IQGAP2: variants seen among roughly 807,000 people sequenced by gnomAD.
IQGAP2 encodes ras GTPase-activating-like protein IQGAP2.
IQGAP2 carries 173 observed loss-of-function variants against 201.3 expected under a neutral mutation model. The ratio of observed to expected loss-of-function variants is 0.86; its 90% confidence interval spans 0.76 to 0.98. The LOEUF is 0.98. Ranked by LOEUF, IQGAP2 falls within the 50% of genes least tolerant of loss-of-function variation. The probability of loss-of-function intolerance (pLI) is 0.00; values close to 1 mark genes in which losing one functional copy is unlikely to be tolerated. For missense variants in IQGAP2, 1,687 were observed against 1,864.8 expected, an observed-to-expected ratio of 0.90 and a Z score of 1.76; for synonymous variants, 675 against 673.9, an observed-to-expected ratio of 1.00 and a Z score of -0.03.
intron 13 of IQGAP2, among the ~76,000 whole-genome samples, chr5:76,622,835 A>C (rs550746973): frequency 6.6e-6 from 1 of 152,266 alleles, no homozygotes; most frequent in East Asian, 1.9e-4. Context: ...TCCCTAGAAA[A>C]AGTGCCATCT....
chr5:76,592,356 C>A (rs1746719079), intron 8 of IQGAP2, among the ~76,000 whole-genome samples: 1 of 152,214 alleles, frequency 6.6e-6, no homozygotes, highest in African/African-American at 2.4e-5. Context: ...CTATTCTTGA[C>A]ATTATTCTGT....
At chr5:76,613,819 C>T (rs181519841) in intron 13 of IQGAP2, among the ~76,000 whole-genome samples, 2 of 152,230 alleles carry the variant, frequency 1.3e-5, no homozygotes, top group Non-Finnish European at 2.9e-5. Flanking sequence ...CTCAGCCTCC[C>T]GAGTAGCAGG....
intron 27 of IQGAP2, among the ~76,000 whole-genome samples, chr5:76,675,323 G>T (rs747461181): frequency 3.9e-5 from 6 of 152,106 alleles, no homozygotes; most frequent in African/African-American, 9.7e-5. Context: ...GTGTATGGGG[G>T]TCCTGGAACC....
At chr5:76,479,575 C>T (rs568198106) in intron 2 of IQGAP2, among the ~76,000 whole-genome samples, 35 of 152,168 alleles carry the variant, frequency 2.3e-4, no homozygotes, top group African/African-American at 8.0e-4. Flanking sequence ...TACATAGGAC[C>T]GGGTGCTCCT....
intron 11 of IQGAP2, among the ~76,000 whole-genome samples, chr5:76,602,651 C>G (rs758354242): frequency 2.0e-5 from 3 of 152,074 alleles, no homozygotes; most frequent in African/African-American, 4.8e-5. Context: ...TTTAAGGGCC[C>G]ACTTGGGTTC....
chr5:76,647,023 AT>A (rs1018652564), intron 17 of IQGAP2, among the ~76,000 whole-genome samples: 9 of 151,480 alleles, frequency 5.9e-5, no homozygotes, highest in South Asian at 2.1e-4. Flanking sequence ...GACACTTCTG[AT>A]TTTTTTTTAA....
In IQGAP2 at chr5:76,583,023, C is replaced by T. The variant is rs550969419; in HGVS notation, c.459-5883C>T. On this transcript the variant is annotated intron_variant, in intron 5 of 35. Transcript: ENST00000274364. ...GGCTTGCTACCTCACAAAAAGTGCT[C>T]TCTTAGACATGAGAAGCAAAGGTGA... 4.6e-5 allele frequency among the ~76,000 whole-genome samples: 7 copies of T among 152,270 alleles called. No homozygotes were observed. The East Asian group carries it at 1.3e-3, about 29-fold the overall frequency.
chr5:76,588,820 G>GA (rs2150305183), intron 5 of IQGAP2, 86 bp from the exon 6 acceptor site: 8 of 752,728 alleles, frequency 1.1e-5, no homozygotes, highest in South Asian at 8.3e-5. Flanking sequence ...CTTTTCAACT[G>GA]AAAAAACTAT....
chr5:76,558,527 C>T (rs1172478653), intron 2 of IQGAP2, among the ~76,000 whole-genome samples: 1 of 151,890 alleles, frequency 6.6e-6, no homozygotes, highest in African/African-American at 2.4e-5. Flanking sequence ...TTTTTTAAGG[C>T]GGCATTACTA....
At chr5:76,478,225 C>A (rs562699429) in intron 2 of IQGAP2, among the ~76,000 whole-genome samples, 2 of 152,062 alleles carry the variant, frequency 1.3e-5, no homozygotes, top group South Asian at 2.1e-4. Flanking sequence ...CATGGCAAAA[C>A]CCCTATCTCT....
Position 76,658,492 on chromosome 5 carries a change from G to A in IQGAP2, c.2354G>A (p.Arg785His), listed in dbSNP as rs759325601. ...GSENPPLTVIRKFVYLLDQSD... is the reference protein window; with the variant it reads ...GSENPPLTVIHKFVYLLDQSD... ...GAAAACCCACCATTAACAGTAATTCGCAAATTTGTATACCTGCTGGACCAA... is the reference window on the plus strand; with the variant it reads ...GAAAACCCACCATTAACAGTAATTCACAAATTTGTATACCTGCTGGACCAA... Residue 785 changes from arginine (R) to histidine (H), a missense_variant, in exon 21 of 36, where the codon CGC (arginine) becomes CAC (histidine). Coordinates refer to ENST00000274364, the MANE Select transcript of IQGAP2 (RefSeq NM_006633.5). 117 of 1,613,534 alleles carry A rather than the reference G, an allele frequency of 7.3e-5. No individual in the cohort carries two copies. The highest frequency in any genetic ancestry group is 4.3e-4 in the South Asian group (39 of 90,962).
chr5:76,456,206 C>T (rs1754074654), intron 1 of IQGAP2, among the ~76,000 whole-genome samples: 1 of 152,138 alleles, frequency 6.6e-6, no homozygotes, highest in Non-Finnish European at 1.5e-5. Flanking sequence ...TGCTCAGTGT[C>T]TCATAATTTT....
At chr5:76,676,864 T>G (rs1186975337) in intron 27 of IQGAP2, among the ~76,000 whole-genome samples, 1 of 152,248 alleles carries the variant, frequency 6.6e-6, no homozygotes, top group Non-Finnish European at 1.5e-5. Flanking sequence ...TCACACAGAC[T>G]TGATTCTTAG....
chr5:76,646,633 C>G (rs186954520), intron 17 of IQGAP2, among the ~76,000 whole-genome samples: 79 of 152,278 alleles, frequency 5.2e-4, no homozygotes, highest in South Asian at 1.5e-3. Context: ...CCCATGTGCT[C>G]TTTTCAATAG....
chr5:76,601,956 G>A (rs1432275895), intron 11 of IQGAP2, among the ~76,000 whole-genome samples: 3 of 152,222 alleles, frequency 2.0e-5, no homozygotes. Flanking sequence ...TGTTTCCAAG[G>A]TAATTTATAT....
intron 1 of IQGAP2, among the ~76,000 whole-genome samples, chr5:76,423,749 G>A (rs1419320877): frequency 2.6e-5 from 4 of 152,198 alleles, no homozygotes; most frequent in Non-Finnish European, 5.9e-5. Flanking sequence ...AGCATCAAAA[G>A]GCACATGAAG....
chr5:76,622,338 C>T (rs1749780451), intron 13 of IQGAP2, among the ~76,000 whole-genome samples: 1 of 152,190 alleles, frequency 6.6e-6, no homozygotes, highest in African/African-American at 2.4e-5. Context: ...CTAATCACCA[C>T]AGATTCTCTT....
intron 2 of IQGAP2, among the ~76,000 whole-genome samples, chr5:76,500,042 A>G (rs1757190723): frequency 6.6e-6 from 1 of 152,182 alleles, no homozygotes; most frequent in Non-Finnish European, 1.5e-5. Context: ...TGGGAGGTTG[A>G]GGTTGCAGGG....
chr5:76,524,089 G>A (rs1580379077), intron 2 of IQGAP2, among the ~76,000 whole-genome samples: 2 of 152,146 alleles, frequency 1.3e-5, no homozygotes, highest in East Asian at 3.9e-4. Flanking sequence ...GCCTTGTTGG[G>A]TCACTCTCTG....
Sources: gnomAD v4.1 joint callset for allele counts (sites outside exome capture counted in the v4.1 genomes callset) on GRCh38, gnomAD v4.1.1 for gene constraint, MANE v1.5 for transcripts, NCBI Gene and HGNC (gene_info 2026-07-23, HGNC 2026-07-21) for gene names.